Variants in GPM6A observed in about 807,000 individuals in gnomAD.
GPM6A encodes the protein glycoprotein M6A.
Under a neutral mutation model 32.1 loss-of-function variants are expected in GPM6A, and 7 were observed. The observed-to-expected ratio is 0.22, with a 90% CI of 0.12 to 0.41. The LOEUF is 0.41. Among genes scored for constraint, GPM6A ranks in the 10% least tolerant of loss-of-function variants. The pLI, the probability that GPM6A is intolerant of heterozygous loss-of-function variation, is 1.00. For missense variants in GPM6A, 235 were observed against 347.2 expected (o/e 0.68, Z 2.57); for synonymous variants, 130 against 123.4 (o/e 1.05, Z -0.35).
intron 1 of GPM6A, among the ~76,000 whole-genome samples, chr4:175,716,220 A>G (rs899610695): frequency 1.4e-4 from 22 of 152,208 alleles, no homozygotes; most frequent in Admixed American, 1.2e-3. Context: ...AAAAGTGGTC[A>G]TTAGCTTCAA....
rs548251336 is a variant in GPM6A at position 175,784,626 on chromosome 4, G to A, written c.37+27565C>T. On this transcript the variant is annotated intron_variant, in intron 1 of 6. Coordinates refer to ENST00000393658, the MANE Select transcript of GPM6A (RefSeq NM_201591.3). ...TCATCTCATGAGTAAATAAAATAAT[G>A]AATGTGAATTATAATGAACTCGTCA... is the stretch of plus-strand genomic sequence containing the variant. 3.4e-4 allele frequency among the ~76,000 whole-genome samples: 52 copies of A among 152,198 alleles called. 2 individuals carry two copies. The South Asian group carries it at 0.011, about 32-fold the overall frequency.
chr4:175,860,065 T>C (rs1319107664), intron 1 of GPM6A, among the ~76,000 whole-genome samples: 2 of 152,036 alleles, frequency 1.3e-5, no homozygotes, highest in African/African-American at 2.4e-5. Context: ...GAGGGAAATT[T>C]CTAACTTTAA....
chr4:175,808,821 T>C (rs1734800058), intron 1 of GPM6A: 1 of 152,252 alleles, frequency 6.6e-6, no homozygotes, highest in South Asian at 2.1e-4. Context: ...GTATACTCCA[T>C]GTAATTTTGA....
rs569952474 is a variant in GPM6A, at chr4:175,633,248, A to G, written c.*1657T>C. 3 of 152,634 alleles carry G rather than the reference A, an allele frequency of 2.0e-5. No individual in the cohort carries two copies. Among genetic ancestry groups the G allele is most frequent in the African/African-American group, 4.8e-5 (2 of 41,562 alleles). The allele number at this position is 152,634 out of a possible 1,614,324, so 9.5% of individuals were successfully genotyped here. A position where few individuals can be genotyped will look rare whatever the true frequency, so the allele number is the denominator to read the frequency against. ...TTAATACTTTTGCTGAATATCTGTA[A>G]TACTGCATATATCAGAAAAATGTTG... On this transcript the variant is annotated 3_prime_UTR_variant, in exon 7 of 7. Coordinates refer to ENST00000393658, the MANE Select transcript of GPM6A (RefSeq NM_201591.3).
At chr4:175,971,118 T>C (rs56843497) in intron 1 of GPM6A, among the ~76,000 whole-genome samples, 7,703 of 152,230 alleles carry the variant, frequency 0.051, 628 homozygotes, top group African/African-American at 0.17. Context: ...CAAACATTTT[T>C]TATTAACTCT....
At chr4:175,679,944 A>G (rs1237815523) in intron 2 of GPM6A, among the ~76,000 whole-genome samples, 1 of 152,160 alleles carries the variant, frequency 6.6e-6, no homozygotes, top group Non-Finnish European at 1.5e-5. Flanking sequence ...AGAAACAGGC[A>G]TCTCTTTGAG....
At chr4:175,659,511 T>G (rs1560857339) in intron 3 of GPM6A, among the ~76,000 whole-genome samples, 1 of 152,100 alleles carries the variant, frequency 6.6e-6, no homozygotes, top group East Asian at 1.9e-4. Flanking sequence ...TAAAAATAGT[T>G]AAGAGAAAAA....
At chr4:175,808,159 T>A (rs1734773007) in intron 1 of GPM6A, among the ~76,000 whole-genome samples, 1 of 152,096 alleles carries the variant, frequency 6.6e-6, no homozygotes, top group African/African-American at 2.4e-5. Flanking sequence ...GGTTCTAGAG[T>A]CATCTTTCAA....
At chr4:175,872,933 A>G (rs1736956986) in intron 1 of GPM6A, among the ~76,000 whole-genome samples, 1 of 152,178 alleles carries the variant, frequency 6.6e-6, no homozygotes, top group Admixed American at 6.5e-5. Context: ...ATACTAATTA[A>G]CCTTCATAAA....
At chr4:175,698,381 C>A (rs1313626484) in intron 2 of GPM6A, among the ~76,000 whole-genome samples, 1 of 152,110 alleles carries the variant, frequency 6.6e-6, no homozygotes. Flanking sequence ...CTTTTCCAAA[C>A]CTACCTTAGT....
At chr4:175,858,921 A>T (rs1318777423) in intron 1 of GPM6A, among the ~76,000 whole-genome samples, 1 of 152,252 alleles carries the variant, frequency 6.6e-6, no homozygotes, top group South Asian at 2.1e-4. Flanking sequence ...GAAACACACT[A>T]CAATATGATG....
chr4:175,978,071 A>G (rs1263454357), intron 1 of GPM6A, among the ~76,000 whole-genome samples: 3 of 152,206 alleles, frequency 2.0e-5, no homozygotes, highest in Non-Finnish European at 2.9e-5. Flanking sequence ...AAATAATACC[A>G]TTTTTGATGT....
intron 1 of GPM6A, chr4:176,002,294 C>T (rs750883266): frequency 6.2e-7 from 1 of 1,600,250 alleles, no homozygotes; most frequent in East Asian, 2.3e-5. Context: ...TGTACGCGCC[C>T]GCCCGCGCAC....
chr4:175,725,929 C>T (rs146730844), intron 1 of GPM6A, among the ~76,000 whole-genome samples: 27 of 151,138 alleles, frequency 1.8e-4, no homozygotes, highest in African/African-American at 6.3e-4. Context: ...TAGCAAGATA[C>T]TTCACAGACA....
chr4:175,805,317 C>G lies in GPM6A; in HGVS notation c.37+6874G>C, dbSNP rs1390573477. ...AATAGGTAATTCACCATTCAAATAA[C>G]CTTTCTAATGGGGAATATTAATTGC... On this transcript the variant is annotated intron_variant, in intron 1 of 6. Transcript: ENST00000393658. Among the ~76,000 whole-genome samples, 3 of 152,072 alleles carry G rather than the reference C, an allele frequency of 2.0e-5. No homozygotes were observed. The South Asian group carries it at 6.2e-4, about 31-fold the overall frequency.
rs570482453 is a variant in GPM6A at position 175,705,242 on chromosome 4, G to A, written c.38-3475C>T. On this transcript the variant is annotated intron_variant, in intron 1 of 6. Coordinates refer to ENST00000393658, the MANE Select transcript of GPM6A (RefSeq NM_201591.3). Reference sequence around the variant, plus strand: ...ACGTGCATTTCCAAATGAGTGTAAGGTCTTTTTACTCTATGTAAACAGTAT... The same window carrying A: ...ACGTGCATTTCCAAATGAGTGTAAGATCTTTTTACTCTATGTAAACAGTAT... Among the ~76,000 whole-genome samples the A allele has an allele frequency of 2.2e-4, 33 of 152,244 alleles. No homozygotes were observed. In the East Asian group the frequency reaches 3.3e-3, roughly 15 times the overall value.
chr4:175,878,229 T>A (rs558749695), intron 1 of GPM6A, among the ~76,000 whole-genome samples: 1 of 152,144 alleles, frequency 6.6e-6, no homozygotes, highest in East Asian at 1.9e-4. Context: ...CGTCAGTGGA[T>A]CTACCATTCT....
intron 1 of GPM6A, chr4:175,962,418 C>A: frequency 1.4e-6 from 1 of 716,544 alleles, no homozygotes; most frequent in East Asian, 2.7e-5. Context: ...CAAGTGGGAG[C>A]AAAAGCAAGC....
intron 1 of GPM6A, among the ~76,000 whole-genome samples, chr4:175,736,704 G>T (rs1470986820): frequency 1.3e-5 from 2 of 152,050 alleles, no homozygotes; most frequent in Non-Finnish European, 2.9e-5. Context: ...CTCTTTAAAA[G>T]ATAGTTATTA....
Sources: gnomAD v4.1 joint callset for allele counts (sites outside exome capture counted in the v4.1 genomes callset) on GRCh38, gnomAD v4.1.1 for gene constraint, MANE v1.5 for transcripts, NCBI Gene and HGNC (gene_info 2026-07-23, HGNC 2026-07-21) for gene names.